DMD: variants seen among roughly 807,000 people sequenced by gnomAD.
DMD encodes mutant dystrophin.
DMD carries 63 observed loss-of-function variants against 330.1 expected under a neutral mutation model. The ratio of observed to expected loss-of-function variants is 0.19; its 90% CI spans 0.16 to 0.24. DMD has a LOEUF of 0.24. Among genes scored for constraint, DMD ranks in the 10% least tolerant of loss-of-function variants. DMD has a pLI of 1.00. For missense variants in DMD, 3,344 were observed against 2,684.1 expected, an observed-to-expected ratio of 1.25 and a Z score of -5.43; for synonymous variants, 1,223 against 959.8, an observed-to-expected ratio of 1.27 and a Z score of -5.07.
At chrX:33,311,825 C>T (rs1403244592) in intron 1 of DMD, among the ~76,000 whole-genome samples, 1 of 109,102 alleles carries the variant, frequency 9.2e-6, no homozygotes, top group Non-Finnish European at 1.9e-5. Flanking sequence ...AGTTGGAAGT[C>T]GGAGATTTTA....
chrX:32,844,548 C>A (rs764570221), intron 4 of DMD, among the ~76,000 whole-genome samples: 1 of 112,002 alleles, frequency 8.9e-6, no homozygotes, highest in Non-Finnish European at 1.9e-5. Flanking sequence ...AGGGAGCAGC[C>A]TATCAGGTCA....
intron 2 of DMD, among the ~76,000 whole-genome samples, chrX:33,006,947 G>C (rs1452925409): frequency 9.1e-6 from 1 of 109,943 alleles, no homozygotes; most frequent in African/African-American, 3.3e-5. Flanking sequence ...TCCATTTTTA[G>C]TCCACCAGCA....
rs1385850084 is a variant in DMD at position 32,032,297 on chromosome X, T to C, written c.6439-63783A>G. On this transcript the variant is annotated intron_variant, in intron 44 of 78. Coordinates refer to ENST00000357033, the MANE Select transcript of DMD (RefSeq NM_004006.3). ...AGTCACTGAATCTTTTCCACATCCC[T>C]CGTAAGTTCAATCTGGAATGTATAT... 3.6e-5 allele frequency among the ~76,000 whole-genome samples: 4 copies of C among 111,608 alleles called. No individual in the cohort carries two copies. The East Asian group carries it at 1.1e-3, about 31-fold the overall frequency.
intron 44 of DMD, among the ~76,000 whole-genome samples, chrX:32,149,571 C>A (rs779158833): frequency 9.0e-6 from 1 of 111,129 alleles, no homozygotes; most frequent in Admixed American, 9.6e-5. Context: ...ATATAATATG[C>A]CATAAAATAG....
chrX:32,729,227 C>T (rs1208598352), intron 7 of DMD, among the ~76,000 whole-genome samples: 4 of 111,503 alleles, frequency 3.6e-5, no homozygotes, highest in African/African-American at 9.8e-5. Context: ...ATGCTCAACT[C>T]GTATGTATAA....
Position 32,310,196 on chromosome X carries a change from C to A in DMD, c.6003G>T (p.Leu2001Phe). The A allele has an allele frequency of 8.3e-7, 1 of 1,208,805 alleles. No individual in the cohort carries two copies. ...CTTGTGAGACATGAGTGATTTCAGT[C>A]AAATAAGTAGAAGGCACATAAGAAA... The part of the protein sequence containing the change: ...LEISYVPSTY[L>F]TEITHVSQAL... The change falls in exon 42 of 79, where the codon TTG (leucine) becomes TTT (phenylalanine). Residue 2001 changes from leucine (L) to phenylalanine (F), a missense_variant. Leu to Phe is a conservative substitution (Grantham distance 22). Coordinates refer to ENST00000357033, the MANE Select transcript of DMD (RefSeq NM_004006.3).
At position 32,346,025 on chromosome X, in the gene DMD, T is replaced by G. The variant is rs747245739; in HGVS notation, c.5504A>C (p.Gln1835Pro). 8.3e-7 allele frequency: 1 copy of G among 1,208,133 alleles called. No homozygotes were observed. The highest frequency in any genetic ancestry group is 1.1e-6 in the Non-Finnish European group (1 of 893,966). Reference protein sequence around the residue: ...KELLQRGDNLQQRITDERKRE... With the variant: ...KELLQRGDNLPQRITDERKRE... The stretch of plus-strand genomic sequence containing the variant: ...CTTTCTCTCATCTGTGATTCTTTGT[T>G]GTAAGTTGTCTCCTCTTTGCAACAA... The change falls in exon 39 of 79, where the codon CAA becomes CCA. Residue 1835 changes from glutamine to proline, a missense_variant. Transcript: ENST00000357033.
chrX:32,837,030 A>C (rs1283262840), intron 4 of DMD, among the ~76,000 whole-genome samples: 1 of 111,622 alleles, frequency 9.0e-6, no homozygotes, highest in Non-Finnish European at 1.9e-5. Context: ...AATTAGCCAG[A>C]AACCACGTCT....
intron 55 of DMD, among the ~76,000 whole-genome samples, chrX:31,575,689 G>A (rs1197552508): frequency 8.9e-6 from 1 of 112,091 alleles, no homozygotes; most frequent in African/African-American, 3.2e-5. Context: ...TGGACACAAC[G>A]CCTTTTATAT....
chrX:32,001,602 C>T (rs1325816826), intron 44 of DMD, among the ~76,000 whole-genome samples: 2 of 110,844 alleles, frequency 1.8e-5, no homozygotes, highest in Non-Finnish European at 3.8e-5. Context: ...CCTGGCACAA[C>T]AAAGGTTCAG....
At chrX:32,381,271 G>A (rs758366189) in intron 33 of DMD, among the ~76,000 whole-genome samples, 265 of 111,318 alleles carry the variant, frequency 2.4e-3, no homozygotes, top group African/African-American at 8.4e-3. Context: ...CCATCCAATA[G>A]GGACAAAAAG....
At chrX:31,952,917 G>A (rs1346977586) in intron 45 of DMD, among the ~76,000 whole-genome samples, 1 of 112,187 alleles carries the variant, frequency 8.9e-6, no homozygotes, top group Non-Finnish European at 1.9e-5. Flanking sequence ...ACAGTGTGTG[G>A]CTGTTGATAT....
chrX:33,315,221 G>T (rs1482294421), intron 1 of DMD, among the ~76,000 whole-genome samples: 1 of 112,289 alleles, frequency 8.9e-6, no homozygotes, highest in African/African-American at 3.2e-5. Context: ...AATCAAATCT[G>T]CAAAGTAAAC....
intron 21 of DMD, among the ~76,000 whole-genome samples, chrX:32,483,785 A>G (rs1398416283): frequency 9.6e-6 from 1 of 104,177 alleles, no homozygotes; most frequent in African/African-American, 3.5e-5. Flanking sequence ...CCTGTACAGG[A>G]AAATAAACCC....
intron 30 of DMD, among the ~76,000 whole-genome samples, chrX:32,405,971 C>G (rs771192173): frequency 9.0e-6 from 1 of 110,854 alleles, no homozygotes; most frequent in Admixed American, 9.6e-5. Context: ...CCTTCACATC[C>G]CTTGTAAGTT....
At chrX:31,746,813 C>T (rs1330194991) in intron 51 of DMD, among the ~76,000 whole-genome samples, 1 of 110,401 alleles carries the variant, frequency 9.1e-6, no homozygotes, top group Non-Finnish European at 1.9e-5. Context: ...TGAGCACTCA[C>T]ACAGACAACA....
chrX:31,380,317 C>T lies in DMD; in HGVS notation c.9085-31683G>A, dbSNP rs769674999. Among the ~76,000 whole-genome samples the T allele has an allele frequency of 2.8e-3, 308 of 110,381 alleles. 1 individual carries two copies. Among genetic ancestry groups the T allele is most frequent in the Non-Finnish European group, 5.2e-3 (277 of 52,905 alleles). On this transcript the variant is annotated intron_variant, in intron 60 of 78. Transcript: ENST00000357033. ...TCCCTGACTATTCCTAGGCTAGAGCCACACCTCATTGCCGCCTTTTCCCCC... is the reference window on the plus strand; with the variant it reads ...TCCCTGACTATTCCTAGGCTAGAGCTACACCTCATTGCCGCCTTTTCCCCC...
chrX:32,828,680 C>CAT (rs1240100278), intron 4 of DMD, among the ~76,000 whole-genome samples: 1 of 110,329 alleles, frequency 9.1e-6, no homozygotes, highest in African/African-American at 3.3e-5. Flanking sequence ...CATATATACA[C>CAT]ATATATATGT....
At chrX:31,244,260 G>T (rs971965950) in intron 63 of DMD, among the ~76,000 whole-genome samples, 2 of 111,700 alleles carry the variant, frequency 1.8e-5, no homozygotes, top group Admixed American at 9.5e-5. Flanking sequence ...TACATATTTG[G>T]TAAAGAAAAT....
Sources: allele counts gnomAD v4.1 joint callset (sites outside exome capture counted in the v4.1 genomes callset), GRCh38; gene constraint gnomAD v4.1.1; transcripts MANE v1.5; gene names NCBI Gene and HGNC (gene_info 2026-07-23, HGNC 2026-07-21).